The following HIRA variants were observed in gnomAD, a reference collection of about 807,000 sequenced individuals.
HIRA encodes histone cell cycle regulator.
HIRA carries 13 observed loss-of-function variants against 126.6 expected under a neutral mutation model. That is an observed-to-expected ratio of 0.10 (90% CI 0.07 to 0.16). The LOEUF (loss-of-function observed/expected upper bound fraction) is 0.16, where lower values mean the gene tolerates loss of function less well. HIRA is among the 10% of genes least tolerant of loss of function. HIRA has a pLI of 1.00. For synonymous variants in HIRA, 511 were observed against 520.0 expected (o/e 0.98, Z 0.24); for missense variants, 834 against 1,314.4 (o/e 0.63, Z 5.65).
intron 5 of HIRA, among the ~76,000 whole-genome samples, chr22:19,403,766 G>A (rs1422751616): frequency 1.3e-5 from 2 of 151,828 alleles, no homozygotes; most frequent in African/African-American, 2.4e-5. Context: ...AATAACCCTG[G>A]CTTATATCTT....
At chr22:19,374,071 G>A (rs2088994447) in intron 15 of HIRA, among the ~76,000 whole-genome samples, 1 of 152,016 alleles carries the variant, frequency 6.6e-6, no homozygotes. Flanking sequence ...GGTGGCTCAC[G>A]CCTGTAATCC....
chr22:19,334,035 T>C (rs1037232250), intron 24 of HIRA, among the ~76,000 whole-genome samples: 11 of 151,742 alleles, frequency 7.2e-5, no homozygotes, highest in East Asian at 2.0e-4. Context: ...AGTGCAGTGG[T>C]GTGATCTCGG....
chr22:19,389,333 T>C (rs1307503667), intron 9 of HIRA, among the ~76,000 whole-genome samples: 1 of 152,176 alleles, frequency 6.6e-6, no homozygotes, highest in Non-Finnish European at 1.5e-5. Context: ...CCCACAACTA[T>C]GGTAGGCCTT....
chr22:19,399,304 C>T (rs1284713715), intron 5 of HIRA: 1 of 212,028 alleles, frequency 4.7e-6, no homozygotes, highest in African/African-American at 2.4e-5. Context: ...TTCCAAATAT[C>T]TATTGTATTT....
chr22:19,351,018 C>A lies in HIRA; in HGVS notation c.2937+340G>T. 2.2e-6 allele frequency: 1 copy of A among 453,048 alleles called. No individual in the cohort carries two copies. Among genetic ancestry groups the A allele is most frequent in the Non-Finnish European group, 2.9e-6 (1 of 343,480 alleles). The allele number at this position is 453,048 out of a possible 1,614,324, so 28.1% of individuals were successfully genotyped here. A position where few individuals can be genotyped will look rare whatever the true frequency, so the allele number is the denominator to read the frequency against. On this transcript the variant is annotated intron_variant, in intron 24 of 24. Transcript: ENST00000263208. This position sits in a 1 kb window ranked among gnomAD's most constrained non-coding sequence, Gnocchi z 4.8. The stretch of plus-strand genomic sequence containing the variant: ...AATATTTTGTTGACCTAACTGCCTC[C>A]CTGTTTATGTGTGCATCCCTACCAG...
chr22:19,351,795 T>C lies in HIRA; in HGVS notation c.2849-349A>G, dbSNP rs141373605. ...ATTGTGGGCTGGTGAGATCTGTCTT[T>C]GAGAAGATGCGCTGGCAGCTGGTGT... On this transcript the variant is annotated intron_variant, in intron 23 of 24. Transcript: ENST00000263208. This position sits in a 1 kb window ranked among gnomAD's most constrained non-coding sequence, Gnocchi z 4.8. Among the ~76,000 whole-genome samples the C allele has an allele frequency of 9.2e-5, 14 of 152,156 alleles. No individual in the cohort carries two copies. The East Asian group carries it at 2.7e-3, about 29-fold the overall frequency.
In HIRA at chr22:19,375,840, T is replaced by C. The variant is rs1190052183; in HGVS notation, c.1614-48A>G. ...CATGTCAAGCGCAATCCTGAAAGGA[T>C]CTGGAGGTCTAGTATTTGCATTATT... On this transcript the variant is annotated intron_variant, in intron 14 of 24. Coordinates refer to ENST00000263208, the MANE Select transcript of HIRA (RefSeq NM_003325.4). 7.5e-6 allele frequency: 12 copies of C among 1,592,336 alleles called. No individual in the cohort carries two copies. The African/African-American group carries it at 1.3e-4, about 18-fold the overall frequency.
At chr22:19,366,906 C>T (rs1452800030) in intron 15 of HIRA, among the ~76,000 whole-genome samples, 1 of 152,112 alleles carries the variant, frequency 6.6e-6, no homozygotes, top group Non-Finnish European at 1.5e-5. Flanking sequence ...GGACTACAGG[C>T]ATGCACCGTG....
chr22:19,402,998 G>A (rs2089281211), intron 5 of HIRA, among the ~76,000 whole-genome samples: 2 of 151,314 alleles, frequency 1.3e-5, no homozygotes, highest in South Asian at 4.2e-4. Context: ...AGCTACTCAG[G>A]AGGCTGAGGC....
chr22:19,353,100 C>T (rs953689135), intron 23 of HIRA, among the ~76,000 whole-genome samples: 2 of 152,258 alleles, frequency 1.3e-5, no homozygotes, highest in East Asian at 1.9e-4. Context: ...TGTCTTTCCA[C>T]CCAGGCATCT....
chr22:19,411,962 C>T (rs1283714479), intron 1 of HIRA, among the ~76,000 whole-genome samples: 4 of 152,204 alleles, frequency 2.6e-5, no homozygotes, highest in East Asian at 1.9e-4. Context: ...TGTGGAGAGC[C>T]GCAGCCATGT....
chr22:19,368,089 G>C (rs752120601), intron 15 of HIRA, among the ~76,000 whole-genome samples: 5 of 152,104 alleles, frequency 3.3e-5, no homozygotes, highest in Non-Finnish European at 5.9e-5. Context: ...CTCCTGTCTA[G>C]TATCCAAGAG....
At chr22:19,343,595 C>T (rs2088654982) in intron 24 of HIRA, among the ~76,000 whole-genome samples, 1 of 151,864 alleles carries the variant, frequency 6.6e-6, no homozygotes, top group Non-Finnish European at 1.5e-5. Context: ...AGTTGGAAAA[C>T]ACACTGTTAT....
intron 1 of HIRA, among the ~76,000 whole-genome samples, chr22:19,417,672 TAA>T (rs2089410474): frequency 6.6e-6 from 1 of 152,022 alleles, no homozygotes; most frequent in Non-Finnish European, 1.5e-5. Context: ...CCTCAGGAAA[TAA>T]GTGTTGATGA....
At position 19,331,422 on chromosome 22, in the gene HIRA, A is replaced by G; in HGVS notation, c.*18T>C. Reference sequence around the variant, plus strand: ...GTGTGGCCCTGCCCTTGCTGCAGCCAGGGCAGGCTGGGGCAGGCTACTTGT... The same window carrying G: ...GTGTGGCCCTGCCCTTGCTGCAGCCGGGGCAGGCTGGGGCAGGCTACTTGT... On this transcript the variant is annotated 3_prime_UTR_variant, in exon 25 of 25. Coordinates refer to ENST00000263208, the MANE Select transcript of HIRA (RefSeq NM_003325.4). 6.2e-7 allele frequency: 1 copy of G among 1,613,574 alleles called. No individual in the cohort carries two copies. The highest frequency in any genetic ancestry group is 8.5e-7 in the Non-Finnish European group (1 of 1,179,862).
intron 18 of HIRA, among the ~76,000 whole-genome samples, 195 bp downstream of exon 18, chr22:19,359,141 G>T (rs959344704): frequency 1.3e-5 from 2 of 152,124 alleles, no homozygotes; most frequent in Non-Finnish European, 2.9e-5. Flanking sequence ...CGGGGATACT[G>T]ATGCTGACCT....
chr22:19,390,737 G>A (rs749648112), intron 9 of HIRA, among the ~76,000 whole-genome samples: 13 of 151,692 alleles, frequency 8.6e-5, no homozygotes, highest in African/African-American at 1.9e-4. Flanking sequence ...TAATAGAGGC[G>A]TCAGCTTTCT....
Position 19,351,558 on chromosome 22 carries a change from A to C in HIRA, c.2849-112T>G. The C allele has an allele frequency of 2.4e-6, 2 of 842,448 alleles. No individual in the cohort carries two copies. The highest frequency in any genetic ancestry group is 3.8e-6 in the Non-Finnish European group (2 of 532,834). 52.2% of individuals were successfully genotyped at this position (842,448 alleles called of 1,614,324 possible). A position where few individuals can be genotyped will look rare whatever the true frequency, so the allele number is the denominator to read the frequency against. ...ATGTTGTTGTGTCTATCAAATCAGA[A>C]TAAACACATGCGTATTTTATTGCCT... On this transcript the variant is annotated intron_variant, in intron 23 of 24. Transcript: ENST00000263208. This position sits in a 1 kb window ranked among gnomAD's most constrained non-coding sequence, Gnocchi z 4.8.
rs1273012381 is a variant in HIRA at position 19,363,235 on chromosome 22, A to AAAAAAAAAC, written c.1776-1313_1776-1305dup. On this transcript the variant is annotated intron_variant, in intron 15 of 24. Transcript: ENST00000263208. ...GTGACAAAGTGAGATTCCGTCTCAAAAAAAAAAACAAAAAAAACAAAAAAA... is the reference window on the plus strand; with the variant it reads ...GTGACAAAGTGAGATTCCGTCTCAAAAAAAAAAACAAAAAAAACAAAAAAAACAAAAAAA... 3.3e-5 allele frequency among the ~76,000 whole-genome samples: 5 copies of AAAAAAAAAC among 151,894 alleles called. No homozygotes were observed. The South Asian group carries it at 8.3e-4, about 25-fold the overall frequency.
Sources: allele counts gnomAD v4.1 joint callset (sites outside exome capture counted in the v4.1 genomes callset), GRCh38; gene constraint gnomAD v4.1.1; non-coding constraint Gnocchi (gnomAD v3.1); transcripts MANE v1.5; gene names NCBI Gene and HGNC (gene_info 2026-07-23, HGNC 2026-07-21).